CPAMD8: variants seen among roughly 807,000 people sequenced by gnomAD.
CPAMD8 encodes C3 and PZP like alpha-2-macroglobulin domain containing 8, also known as C3 and PZP-like alpha-2-macroglobulin domain-containing protein 8.
A neutral mutation model predicts 224.7 loss-of-function variants in CPAMD8; 146 were observed. The observed-to-expected ratio is 0.65, with a 90% CI of 0.57 to 0.75. CPAMD8 has a LOEUF of 0.75. Ranked by LOEUF, CPAMD8 falls within the 30% of genes least tolerant of loss-of-function variation. The probability of loss-of-function intolerance (pLI) is 0.00; values close to 1 mark genes in which losing one functional copy is unlikely to be tolerated. For missense variants in CPAMD8, 2,301 were observed against 2,537.5 expected (o/e 0.91, Z 2.00); for synonymous variants, 966 against 1,044.6 (o/e 0.92, Z 1.45).
intron 21 of CPAMD8, 91 bp downstream of exon 21, chr19:16,946,983 C>G: frequency 7.4e-7 from 1 of 1,355,656 alleles, no homozygotes; most frequent in East Asian, 2.4e-5. Context: ...ACCTGCTGCC[C>G]CATCCACCCC....
At chr19:16,914,385 G>A (rs751147207) in intron 29 of CPAMD8, 39 bp downstream of exon 29, 2 of 1,571,608 alleles carry the variant, frequency 1.3e-6, no homozygotes, top group East Asian at 2.2e-5. Context: ...CTCCTCCAGT[G>A]CCCAGCCCCG....
chr19:16,907,984 A>C (rs904614390), intron 29 of CPAMD8, among the ~76,000 whole-genome samples: 1 of 152,198 alleles, frequency 6.6e-6, no homozygotes, highest in African/African-American at 2.4e-5. Context: ...ATGGCAAATG[A>C]GCACAGTGAT....
intron 13 of CPAMD8, among the ~76,000 whole-genome samples, chr19:16,985,295 G>T (rs1200245615): frequency 6.6e-6 from 1 of 151,444 alleles, no homozygotes; most frequent in African/African-American, 2.4e-5. Context: ...TGGATGAAGG[G>T]TGCATGTATG....
In CPAMD8 at chr19:16,928,228, G is replaced by A; in HGVS notation, c.3151C>T (p.His1051Tyr). The change falls in exon 25 of 42, where the codon CAT (histidine) becomes TAT (tyrosine). Residue 1051 changes from histidine (H) to tyrosine (Y), a missense_variant. Around this residue, in one of 4 missense-constraint regions of CPAMD8, gnomAD observed 1,709 missense variants for 1,753.2 expected, o/e 0.97. Coordinates refer to ENST00000443236, the MANE Select transcript of CPAMD8 (RefSeq NM_015692.5). ...SWRGGLIQVG[H>Y]GPEPSNESVI... ...GACTCATTGGATGGCTCTGGACCAT[G>A]GCCAACCTGGAAAAAGAAACCAAGG... 1 of 1,609,102 alleles carries A rather than the reference G, an allele frequency of 6.2e-7. No individual in the cohort carries two copies. The highest frequency in any genetic ancestry group is 8.5e-7 in the Non-Finnish European group (1 of 1,176,164).
chr19:16,951,833 C>A, intron 20 of CPAMD8, 136 bp downstream of exon 20: 1 of 635,636 alleles, frequency 1.6e-6, no homozygotes, highest in Non-Finnish European at 2.8e-6. Flanking sequence ...TCCCTGCCTC[C>A]TCAACATCAT....
At chr19:16,987,809 T>G (rs952393719) in intron 13 of CPAMD8, among the ~76,000 whole-genome samples, 3 of 151,688 alleles carry the variant, frequency 2.0e-5, no homozygotes, top group African/African-American at 7.3e-5. Flanking sequence ...CACCACCACA[T>G]CCGGCTGGGG....
chr19:17,024,963 C>T (rs2057040482), intron 1 of CPAMD8, among the ~76,000 whole-genome samples: 1 of 152,214 alleles, frequency 6.6e-6, no homozygotes, highest in South Asian at 2.1e-4. Flanking sequence ...ATGCCCCTGG[C>T]TTAGAGGCCA....
At position 16,898,027 on chromosome 19, in the gene CPAMD8, G is replaced by A. The variant is rs1211281821; in HGVS notation, c.4849-33C>T. 2.0e-6 allele frequency: 3 copies of A among 1,532,564 alleles called. No individual in the cohort carries two copies. The highest frequency in any genetic ancestry group is 1.4e-5 in the African/African-American group (1 of 72,660). 94.9% of individuals were successfully genotyped at this position (1,532,564 alleles called of 1,614,324 possible). ...GCAGCGGCGGGCGCAGGCTCGACCC[G>A]GGCCAGGAGGCCCGGGGCGCTGAGC... On this transcript the variant is annotated intron_variant, in intron 37 of 41. Transcript: ENST00000443236. The surrounding 1 kb of genome is among the most constrained non-coding windows in gnomAD (Gnocchi z 4.2).
intron 27 of CPAMD8, among the ~76,000 whole-genome samples, chr19:16,915,439 A>T (rs2052912861): frequency 6.6e-6 from 1 of 152,070 alleles, no homozygotes; most frequent in African/African-American, 2.4e-5. Context: ...GGGCTGCTGA[A>T]TTAGCCAACC....
chr19:17,007,768 G>C (rs1290182266), intron 7 of CPAMD8, among the ~76,000 whole-genome samples: 3 of 152,190 alleles, frequency 2.0e-5, no homozygotes, highest in African/African-American at 7.2e-5. Flanking sequence ...AGTCTTCCTA[G>C]TCATAGGAAA....
intron 22 of CPAMD8, among the ~76,000 whole-genome samples, chr19:16,943,039 G>A (rs2053957452): frequency 7.0e-6 from 1 of 143,750 alleles, no homozygotes; most frequent in Non-Finnish European, 1.5e-5. Flanking sequence ...ACAGGGTCTG[G>A]CTCTCTCACC....
At chr19:17,001,320 GAAAAAA>G (rs1170361586) in intron 9 of CPAMD8, among the ~76,000 whole-genome samples, 2 of 42,470 alleles carry the variant, frequency 4.7e-5, no homozygotes, top group South Asian at 1.7e-3. Context: ...GACTCCGTCT[GAAAAAA>G]AAAAAAAAAA....
chr19:16,945,785 G>A (rs1387320159), intron 21 of CPAMD8, 106 bp from the exon 22 acceptor site: 13 of 938,124 alleles, frequency 1.4e-5, no homozygotes, highest in African/African-American at 3.2e-5. Flanking sequence ...GCATGTGTGT[G>A]TGTGTGCATG....
chr19:16,937,569 G>C (rs1185382950), intron 23 of CPAMD8, among the ~76,000 whole-genome samples: 1 of 151,360 alleles, frequency 6.6e-6, no homozygotes, highest in African/African-American at 2.4e-5. Context: ...TCCACCTCTT[G>C]GGTTCAAGAG....
intron 20 of CPAMD8, among the ~76,000 whole-genome samples, chr19:16,949,996 C>T (rs995018166): frequency 1.3e-5 from 2 of 152,088 alleles, no homozygotes; most frequent in African/African-American, 4.8e-5. Flanking sequence ...CACACAGGAG[C>T]TTGATAAAAT....
chr19:16,955,444 G>A lies in CPAMD8; in HGVS notation c.2276+2409C>T, dbSNP rs188944562. ...GGTCCCTAGAATAGTCAAACTCAGA[G>A]ACAGAAAGGGTTGTTACCAAAGGCT... On this transcript the variant is annotated intron_variant, in intron 19 of 41. Coordinates refer to ENST00000443236, the MANE Select transcript of CPAMD8 (RefSeq NM_015692.5). 8.3e-4 allele frequency among the ~76,000 whole-genome samples: 127 copies of A among 152,220 alleles called. 1 individual carries two copies. The East Asian group carries it at 0.013, about 15-fold the overall frequency.
intron 29 of CPAMD8, among the ~76,000 whole-genome samples, chr19:16,909,731 C>T (rs547464757): frequency 2.4e-5 from 3 of 125,144 alleles, no homozygotes; most frequent in East Asian, 2.1e-4. Flanking sequence ...GCAATAAGAG[C>T]GAAACTTCGT....
chr19:16,919,614 T>C (rs969627639), intron 27 of CPAMD8, among the ~76,000 whole-genome samples: 1 of 152,264 alleles, frequency 6.6e-6, no homozygotes, highest in African/African-American at 2.4e-5. Flanking sequence ...TTGTTTTAAA[T>C]GGCTACATTT....
rs1278003774 is a variant in CPAMD8 at position 16,898,309 on chromosome 19, T to C, written c.4849-315A>G. Among the ~76,000 whole-genome samples the C allele has an allele frequency of 1.3e-5, 2 of 151,804 alleles. No individual in the cohort carries two copies. The highest frequency in any genetic ancestry group is 4.9e-5 in the African/African-American group (2 of 41,236). ...ACAGGCGCCCACCACCGCACCCTGC[T>C]AATTTTTTGTATTTTTGATCAAGAC... On this transcript the variant is annotated intron_variant, in intron 37 of 41. Coordinates refer to ENST00000443236, the MANE Select transcript of CPAMD8 (RefSeq NM_015692.5). This position sits in a 1 kb window ranked among gnomAD's most constrained non-coding sequence, Gnocchi z 4.2.
Sources: gnomAD v4.1 joint callset for allele counts (sites outside exome capture counted in the v4.1 genomes callset) on GRCh38, gnomAD v4.1.1 for gene constraint, gnomAD v4.1.1 regional missense constraint, Gnocchi (gnomAD v3.1) non-coding constraint, MANE v1.5 for transcripts, NCBI Gene and HGNC (gene_info 2026-07-23, HGNC 2026-07-21) for gene names.